Variants in PLEKHG1 observed in about 807,000 individuals in gnomAD.
PLEKHG1 encodes pleckstrin homology and RhoGEF domain containing G1.
PLEKHG1 carries 44 observed loss-of-function variants against 100.8 expected under a neutral mutation model. That is an observed-to-expected ratio of 0.44 (90% CI 0.34 to 0.56). The LOEUF (loss-of-function observed/expected upper bound fraction) is 0.56. PLEKHG1 is among the 20% of genes least tolerant of loss of function. PLEKHG1 has a pLI of 0.01. For missense variants in PLEKHG1, 1,545 were observed against 1,720.9 expected (o/e 0.90, Z 1.81); for synonymous variants, 640 against 662.5 (o/e 0.97, Z 0.52).
intron 7 of PLEKHG1, among the ~76,000 whole-genome samples, chr6:150,806,234 T>G (rs866099224): frequency 0.018 from 2,765 of 150,656 alleles, 76 homozygotes; most frequent in African/African-American, 0.062. Context: ...TTTTTTTTTT[T>G]TTTTTTTTTT....
rs1776303869 is a variant in PLEKHG1, at chr6:150,600,559, C to T, written c.-204+542C>T. On this transcript the variant is annotated intron_variant, in intron 1 of 3. Coordinates refer to the PLEKHG1 transcript ENST00000367326. This position sits in a 1 kb window ranked among gnomAD's most constrained non-coding sequence, Gnocchi z 6.2. The stretch of plus-strand genomic sequence containing the variant: ...GGGGGCGGCGGCCGAGCTGCTGCGG[C>T]GCTCAGGGCTTGGGGGCGCCCCCGT... 6.6e-6 allele frequency among the ~76,000 whole-genome samples: 1 copy of T among 152,190 alleles called. No homozygotes were observed. Among genetic ancestry groups the T allele is most frequent in the African/African-American group, 2.4e-5 (1 of 41,460 alleles).
intron 3 of PLEKHG1, among the ~76,000 whole-genome samples, chr6:150,684,346 G>A (rs1780038717): frequency 2.0e-5 from 3 of 152,240 alleles, no homozygotes. Flanking sequence ...CAAAGTGCGA[G>A]AAGTACTGTG....
chr6:150,798,245 G>GA (rs1264926475), intron 5 of PLEKHG1, among the ~76,000 whole-genome samples: 264 of 151,414 alleles, frequency 1.7e-3, no homozygotes, highest in African/African-American at 6.0e-3. Flanking sequence ...CTTAGGGAAG[G>GA]AAAAAAAACA....
chr6:150,786,801 G>C (rs1785650479), intron 4 of PLEKHG1, among the ~76,000 whole-genome samples: 1 of 152,054 alleles, frequency 6.6e-6, no homozygotes, highest in South Asian at 2.1e-4. Context: ...AAGCCGAGGT[G>C]AGTGGATCAT....
intron 10 of PLEKHG1, among the ~76,000 whole-genome samples, chr6:150,810,691 T>C (rs1787474090): frequency 6.6e-6 from 1 of 151,776 alleles, no homozygotes; most frequent in Non-Finnish European, 1.5e-5. Context: ...GAGGCTGAGG[T>C]GGGCAGATCA....
intron 1 of PLEKHG1, among the ~76,000 whole-genome samples, chr6:150,723,588 T>C (rs747737090): frequency 9.2e-5 from 14 of 152,214 alleles, no homozygotes; most frequent in Non-Finnish European, 1.9e-4. Context: ...CTGCTTTTTT[T>C]TCCCCATCTA....
At chr6:150,710,645 T>C (rs1026751542) in intron 3 of PLEKHG1, among the ~76,000 whole-genome samples, 1 of 152,130 alleles carries the variant, frequency 6.6e-6, no homozygotes, top group Non-Finnish European at 1.5e-5. Context: ...AACATAGTTA[T>C]TAATTGTGGT....
At chr6:150,623,134 T>G (rs1048805657) in intron 1 of PLEKHG1, among the ~76,000 whole-genome samples, 2 of 152,162 alleles carry the variant, frequency 1.3e-5, no homozygotes, top group African/African-American at 4.8e-5. Context: ...GAGGTTTCAC[T>G]TCTCCCTACC....
chr6:150,662,879 A>C (rs1314856871), intron 3 of PLEKHG1: 1 of 152,206 alleles, frequency 6.6e-6, no homozygotes, highest in Non-Finnish European at 1.5e-5. Context: ...TATTTTTTAG[A>C]CAAAAAATTT....
At chr6:150,799,611 A>G (rs1786569594) in intron 5 of PLEKHG1, among the ~76,000 whole-genome samples, 1 of 152,246 alleles carries the variant, frequency 6.6e-6, no homozygotes. Context: ...AAAGAACCTT[A>G]GAAATGTTCC....
At chr6:150,819,316 G>A (rs889725186) in intron 11 of PLEKHG1, among the ~76,000 whole-genome samples, 17 of 152,142 alleles carry the variant, frequency 1.1e-4, no homozygotes, top group African/African-American at 3.6e-4. Flanking sequence ...TGTAATCCCA[G>A]CACTTTGGGA....
Position 150,828,092 on chromosome 6 carries a change from T to A in PLEKHG1, c.1471-2490T>A, listed in dbSNP as rs1776715876. On this transcript the variant is annotated intron_variant, in intron 14 of 15. Transcript: ENST00000358517. Reference sequence around the variant, plus strand: ...GTGGACTTGCCAGGAAGTTTCCTGATGTCAAATTTATCAAAGCCATTTCAA... The same window carrying A: ...GTGGACTTGCCAGGAAGTTTCCTGAAGTCAAATTTATCAAAGCCATTTCAA... 1.9e-6 allele frequency: 3 copies of A among 1,612,944 alleles called. No individual in the cohort carries two copies. The African/African-American group carries it at 4.0e-5, about 22-fold the overall frequency.
chr6:150,801,297 G>A (rs967797284), intron 6 of PLEKHG1, among the ~76,000 whole-genome samples: 1 of 152,206 alleles, frequency 6.6e-6, no homozygotes, highest in Non-Finnish European at 1.5e-5. Flanking sequence ...GATGAGCAGA[G>A]TGATAAGTGA....
chr6:150,820,615 A>G (rs933547627), intron 12 of PLEKHG1, among the ~76,000 whole-genome samples: 2 of 152,158 alleles, frequency 1.3e-5, no homozygotes, highest in Admixed American at 1.3e-4. Flanking sequence ...CTGTAATCCC[A>G]GCATTTCGGG....
chr6:150,841,841 C>T (rs1048726717), exon 16 of PLEKHG1: 2 of 152,158 alleles, frequency 1.3e-5, no homozygotes, highest in South Asian at 2.1e-4. Context: ...CTTTCCAGAG[C>T]GCTTTGCACA....
chr6:150,812,322 C>A lies in PLEKHG1; in HGVS notation c.1278+2588C>A, dbSNP rs549007544. ...AAAGGAAAGATGAACCCTTGGGAAT[C>A]CCAACATCTAAGTGATCAGCAAGCG... On this transcript the variant is annotated intron_variant, in intron 10 of 15. Coordinates refer to ENST00000358517, the Ensembl canonical transcript of PLEKHG1. Among the ~76,000 whole-genome samples, 92 of 152,202 alleles carry A rather than the reference C, an allele frequency of 6.0e-4. No homozygotes were observed. In the South Asian group the frequency reaches 6.9e-3, roughly 11 times the overall value.
chr6:150,806,087 C>T (rs1010461292), intron 7 of PLEKHG1, among the ~76,000 whole-genome samples: 1 of 151,978 alleles, frequency 6.6e-6, no homozygotes, highest in Non-Finnish European at 1.5e-5. Context: ...TTGCCTAACT[C>T]GGGAAAAAAG....
intron 4 of PLEKHG1, 47 bp from the exon 6 acceptor site, chr6:150,795,807 TTA>T (rs746719283): frequency 1.9e-6 from 2 of 1,051,084 alleles, no homozygotes; most frequent in Non-Finnish European, 3.0e-6. Flanking sequence ...AAATGAATGT[TTA>T]TGTTTGTGCT....
At chr6:150,743,476 A>C (rs1170458072) in intron 2 of PLEKHG1, among the ~76,000 whole-genome samples, 1 of 152,214 alleles carries the variant, frequency 6.6e-6, no homozygotes, top group Non-Finnish European at 1.5e-5. Context: ...CAGTAAGCTG[A>C]GATTGCATCA....
Sources: gnomAD v4.1 joint callset for allele counts (sites outside exome capture counted in the v4.1 genomes callset) on GRCh38, gnomAD v4.1.1 for gene constraint, Gnocchi (gnomAD v3.1) non-coding constraint, MANE v1.5 for transcripts, NCBI Gene and HGNC (gene_info 2026-07-23, HGNC 2026-07-21) for gene names.